Variants in CRLF3 observed in about 807,000 individuals in gnomAD.
CRLF3 encodes the protein cytokine receptor like factor 3, also known as cytokine receptor-like factor 3.
In CRLF3, 33 loss-of-function variants were observed where a neutral mutation model predicts 55.0. The observed-to-expected ratio is 0.60, with a 90% CI of 0.46 to 0.80. The LOEUF is 0.80. Ranked by LOEUF, CRLF3 falls within the 30% of genes least tolerant of loss-of-function variation. The probability of loss-of-function intolerance (pLI) is 0.00; values close to 1 mark genes in which losing one functional copy is unlikely to be tolerated. For synonymous variants in CRLF3, 238 were observed against 196.8 expected, an observed-to-expected ratio of 1.21 and a Z score of -1.75; for missense variants, 494 against 538.4, an observed-to-expected ratio of 0.92 and a Z score of 0.82.
intron 6 of CRLF3, among the ~76,000 whole-genome samples, chr17:30,791,468 A>G (rs1045453650): frequency 2.6e-5 from 4 of 151,758 alleles, no homozygotes; most frequent in African/African-American, 7.3e-5. Context: ...CGGCCTCCCA[A>G]AGTGCTGGGA....
chr17:30,819,984 T>C (rs1436929102), intron 1 of CRLF3, among the ~76,000 whole-genome samples: 1 of 152,142 alleles, frequency 6.6e-6, no homozygotes, highest in Non-Finnish European at 1.5e-5. Flanking sequence ...AACAAATGAA[T>C]ATTTAAGGAC....
In CRLF3 at chr17:30,784,350, A is replaced by G. The variant is rs11867457; in HGVS notation, c.1166T>C (p.Leu389Pro). Residue 389 changes from leucine (L) to proline (P), a missense_variant, in exon 8 of 8, where the codon CTA (leucine) becomes CCA (proline). Transcript: ENST00000324238. ...ACCTTCATTATTACTGGTGGTTCCT[A>G]GAGTCACGGCTTCAATGTCAAACGT... is the stretch of plus-strand genomic sequence containing the variant. The part of the protein sequence containing the change: ...TVTFDIEAVT[L>P]GTTSNNEGGH... 0.16 allele frequency: 264,567 copies of G among 1,613,622 alleles called. 22,952 individuals are homozygous for G. The highest frequency in any genetic ancestry group is 0.22 in the African/African-American group (16,282 of 74,974).
chr17:30,813,650 C>T (rs1010479134), intron 1 of CRLF3, among the ~76,000 whole-genome samples: 15 of 151,648 alleles, frequency 9.9e-5, no homozygotes, highest in Admixed American at 6.6e-5. Context: ...ATGTGCACAA[C>T]GTGCAGGTTT....
rs1164539198 is a variant in CRLF3 at position 30,783,188 on chromosome 17, AAC to A, written c.*997_*998del. The A allele has an allele frequency of 1.3e-5, 2 of 152,232 alleles. No individual in the cohort carries two copies. The highest frequency in any genetic ancestry group is 1.9e-4 in the East Asian group (1 of 5,200). The allele number at this position is 152,232 out of a possible 1,614,324, so 9.4% of individuals were successfully genotyped here. A position where few individuals can be genotyped will look rare whatever the true frequency, so the allele number is the denominator to read the frequency against. Reference sequence around the variant, plus strand: ...CATATTACATACATATGAAATGGCTAACACTGCTGTGCATACTACTGCCATAA... The same window carrying A: ...CATATTACATACATATGAAATGGCTAACTGCTGTGCATACTACTGCCATAA... On this transcript the variant is annotated 3_prime_UTR_variant, in exon 8 of 8. Transcript: ENST00000324238.
At chr17:30,802,188 T>C (rs1972015755) in intron 2 of CRLF3, among the ~76,000 whole-genome samples, 1 of 151,802 alleles carries the variant, frequency 6.6e-6, no homozygotes, top group Admixed American at 6.6e-5. Context: ...AGTGGTGCAA[T>C]CTCGGCTAAC....
chr17:30,787,611 C>T (rs1295145389), intron 6 of CRLF3: 1 of 152,052 alleles, frequency 6.6e-6, no homozygotes, highest in Non-Finnish European at 1.5e-5. Context: ...AATGTGGCCT[C>T]AAAATGTCAT....
Position 30,783,272 on chromosome 17 carries a change from AACAAAAGGTACT to A in CRLF3, c.*903_*914del, listed in dbSNP as rs1280663414. 1 of 152,226 alleles carries A rather than the reference AACAAAAGGTACT, an allele frequency of 6.6e-6. No individual in the cohort carries two copies. The highest frequency in any genetic ancestry group is 2.4e-5 in the African/African-American group (1 of 41,456). 9.4% of individuals were successfully genotyped at this position (152,226 alleles called of 1,614,324 possible). A position where few individuals can be genotyped will look rare whatever the true frequency, so the allele number is the denominator to read the frequency against. On this transcript the variant is annotated 3_prime_UTR_variant, in exon 8 of 8. Coordinates refer to ENST00000324238, the MANE Select transcript of CRLF3 (RefSeq NM_015986.4). ...ATACTGTATCAAATTGCAATGAAAGAACAAAAGGTACTACTTGCCTATTTTAGACACTTGGTC... is the reference window on the plus strand; with the variant it reads ...ATACTGTATCAAATTGCAATGAAAGAACTTGCCTATTTTAGACACTTGGTC...
intron 6 of CRLF3, chr17:30,786,845 G>C (rs1224221996): frequency 6.6e-6 from 1 of 152,106 alleles, no homozygotes; most frequent in African/African-American, 2.4e-5. Flanking sequence ...GGATTACAGG[G>C]ATGCACCACC....
At chr17:30,792,640 T>G (rs1971830379) in intron 5 of CRLF3, 68 bp from the exon 6 acceptor site, 1 of 1,413,224 alleles carries the variant, frequency 7.1e-7, no homozygotes, top group Non-Finnish European at 9.8e-7. Flanking sequence ...ACAGACACGT[T>G]AAATAAAACA....
intron 1 of CRLF3, among the ~76,000 whole-genome samples, chr17:30,823,535 C>T (rs1905056740): frequency 6.6e-6 from 1 of 150,898 alleles, no homozygotes; most frequent in African/African-American, 2.4e-5. Context: ...AGTGCTAAGA[C>T]GACCAACTAG....
intron 2 of CRLF3, among the ~76,000 whole-genome samples, chr17:30,801,701 G>A (rs1972009904): frequency 6.6e-6 from 1 of 152,060 alleles, no homozygotes; most frequent in Non-Finnish European, 1.5e-5. Context: ...AAAGTGCTGG[G>A]GTTATAGGTG....
At chr17:30,804,910 C>T (rs1904340015) in intron 1 of CRLF3, among the ~76,000 whole-genome samples, 1 of 152,168 alleles carries the variant, frequency 6.6e-6, no homozygotes, top group Admixed American at 6.6e-5. Flanking sequence ...CAGCCGGGCG[C>T]AGTGCCTCAT....
intron 3 of CRLF3, among the ~76,000 whole-genome samples, 190 bp downstream of exon 3, chr17:30,797,121 C>A (rs1377617560): frequency 6.6e-6 from 1 of 152,080 alleles, no homozygotes; most frequent in East Asian, 1.9e-4. Flanking sequence ...AAACTCCTGG[C>A]CTCAAGCAAT....
At chr17:30,785,883 A>G (rs367776577) in intron 7 of CRLF3, 36 bp downstream of exon 7, 13 of 1,078,364 alleles carry the variant, frequency 1.2e-5, no homozygotes, top group Non-Finnish European at 1.7e-5. Flanking sequence ...AATAATTAAT[A>G]TATTTCCAAG....
Position 30,796,216 on chromosome 17 carries a change from C to T in CRLF3, c.547G>A (p.Val183Ile). The T allele has an allele frequency of 6.2e-7, 1 of 1,613,970 alleles. No homozygotes were observed. The highest frequency in any genetic ancestry group is 8.5e-7 in the Non-Finnish European group (1 of 1,179,918). The change falls in exon 4 of 8, where the codon GTA becomes ATA. Residue 183 changes from valine to isoleucine, a missense_variant. Coordinates refer to ENST00000324238, the MANE Select transcript of CRLF3 (RefSeq NM_015986.4). Reference sequence around the variant, plus strand: ...TTCTCTATTAGTTCTTCTATCTGTACTGGTGGGCGAGATGCTACTGTTCCA... The same window carrying T: ...TTCTCTATTAGTTCTTCTATCTGTATTGGTGGGCGAGATGCTACTGTTCCA... ...KHGTVASRPP[V>I]QIEELIEKPG...
chr17:30,804,136 A>T, intron 1 of CRLF3, 28 bp from the exon 2 acceptor site: 2 of 1,530,204 alleles, frequency 1.3e-6, no homozygotes, highest in Non-Finnish European at 1.8e-6. Context: ...AATACTCAAA[A>T]TCAGAATCTT....
intron 1 of CRLF3, among the ~76,000 whole-genome samples, chr17:30,810,499 T>C (rs894012412): frequency 3.0e-4 from 45 of 151,868 alleles, no homozygotes; most frequent in Non-Finnish European, 5.4e-4. Context: ...GAAGCGGAGG[T>C]TGCAGTGAGC....
At chr17:30,798,644 G>T (rs1971959843) in intron 2 of CRLF3, among the ~76,000 whole-genome samples, 1 of 151,856 alleles carries the variant, frequency 6.6e-6, no homozygotes, top group Non-Finnish European at 1.5e-5. Context: ...TTCAAGACTA[G>T]CTTGGCCAAC....
Position 30,784,446 on chromosome 17 carries a change from A to G in CRLF3, c.1073-3T>C. On this transcript the variant is annotated splice_polypyrimidine_tract_variant and splice_region_variant and intron_variant, in intron 7 of 7. Transcript: ENST00000324238. ...TTTTCCATTGACAAAAACTGCACCT[A>G]AAATGTTAAGGTAAAGAGTCATTTA... 1 of 1,609,570 alleles carries G rather than the reference A, an allele frequency of 6.2e-7. No individual in the cohort carries two copies.
Sources: allele counts gnomAD v4.1 joint callset (sites outside exome capture counted in the v4.1 genomes callset), GRCh38; gene constraint gnomAD v4.1.1; transcripts MANE v1.5; gene names NCBI Gene and HGNC (gene_info 2026-07-23, HGNC 2026-07-21).